The following TICRR variants were observed in gnomAD, a reference collection of about 807,000 sequenced individuals.
TICRR encodes TOPBP1 interacting checkpoint and replication regulator.
A neutral mutation model predicts 178.1 loss-of-function variants in TICRR; 132 were observed. The ratio of observed to expected loss-of-function variants is 0.74; its 90% CI spans 0.64 to 0.86. The LOEUF (loss-of-function observed/expected upper bound fraction) is 0.86, where lower values mean the gene tolerates loss of function less well. Ranked by LOEUF, TICRR falls within the 40% of genes least tolerant of loss-of-function variation. The pLI, the probability that TICRR is intolerant of heterozygous loss-of-function variation, is 0.00. For synonymous variants in TICRR, 991 were observed against 900.7 expected (o/e 1.10, Z -1.79); for missense variants, 2,587 against 2,334.3 (o/e 1.11, Z -2.23).
At chr15:89,618,051 TG>T in intron 16 of TICRR, 100 bp from the exon 17 acceptor site, 1 of 1,196,086 alleles carries the variant, frequency 8.4e-7, no homozygotes, top group Non-Finnish European at 1.2e-6. Context: ...TATCAGACCC[TG>T]TGATCTTTGT....
chr15:89,589,196 C>A (rs1394197974), intron 4 of TICRR, among the ~76,000 whole-genome samples: 1 of 152,100 alleles, frequency 6.6e-6, no homozygotes, highest in Non-Finnish European at 1.5e-5. Context: ...AGTGGGCAGA[C>A]TGGAGTGACC....
chr15:89,618,015 T>G, intron 16 of TICRR, 137 bp from the exon 17 acceptor site: 1 of 868,430 alleles, frequency 1.2e-6, no homozygotes. Flanking sequence ...TAATCACGTA[T>G]GAGAGCCCTT....
intron 18 of TICRR, among the ~76,000 whole-genome samples, chr15:89,620,943 C>G (rs1050867350): frequency 6.6e-6 from 1 of 151,346 alleles, no homozygotes; most frequent in Non-Finnish European, 1.5e-5. Context: ...AGGATAGTCT[C>G]GATCTCCGAC....
chr15:89,576,339 G>C, intron 1 of TICRR, 99 bp downstream of exon 1: 1 of 1,080,852 alleles, frequency 9.3e-7, no homozygotes, highest in Non-Finnish European at 1.3e-6. Context: ...CCCCGAATGA[G>C]ACTAATATGA....
At chr15:89,579,296 C>A (rs769322624) in intron 1 of TICRR, among the ~76,000 whole-genome samples, 2 of 152,118 alleles carry the variant, frequency 1.3e-5, no homozygotes, top group Non-Finnish European at 1.5e-5. Context: ...TCCTATAATA[C>A]GCATACGAGT....
chr15:89,593,771 C>T (rs1210924675), intron 5 of TICRR, among the ~76,000 whole-genome samples: 2 of 152,234 alleles, frequency 1.3e-5, no homozygotes, highest in Middle Eastern at 3.2e-3. Flanking sequence ...ATATTCCACC[C>T]TGTGATATCT....
intron 15 of TICRR, 62 bp downstream of exon 15, chr15:89,609,011 G>GTAC: frequency 7.2e-7 from 1 of 1,393,774 alleles, no homozygotes; most frequent in Non-Finnish European, 9.5e-7. Context: ...TAGTAGTAAT[G>GTAC]TACCGTCTTT....
At position 89,624,970 on chromosome 15, in the gene TICRR, G is replaced by C; in HGVS notation, c.4660G>C (p.Ala1554Pro). Residue 1554 changes from alanine (A) to proline (P), a missense_variant, in exon 20 of 22, where the codon GCC becomes CCC. Physicochemically the swap from Ala to Pro is conservative, Grantham distance 27. Transcript: ENST00000268138. ...ATCAGCTTGGCATTCCACAGACTCTGCCAGCCCACAGACCTATGAGGTTGA... is the reference window on the plus strand; with the variant it reads ...ATCAGCTTGGCATTCCACAGACTCTCCCAGCCCACAGACCTATGAGGTTGA... ...PASAWHSTDSASPQTYEVELE... is the reference protein window; with the variant it reads ...PASAWHSTDSPSPQTYEVELE... 6.2e-7 allele frequency: 1 copy of C among 1,614,066 alleles called. No homozygotes were observed. The highest frequency in any genetic ancestry group is 8.5e-7 in the Non-Finnish European group (1 of 1,180,034).
In TICRR at chr15:89,585,766, T is replaced by C; in HGVS notation, c.1235T>C (p.Leu412Pro). 5 of 1,614,102 alleles carry C rather than the reference T, an allele frequency of 3.1e-6. No homozygotes were observed. The highest frequency in any genetic ancestry group is 4.2e-6 in the Non-Finnish European group (5 of 1,179,990). ...RPPITGVISP[L>P]SASAMILTVC... The stretch of plus-strand genomic sequence containing the variant: ...CCCATCACTGGAGTTATTTCCCCAC[T>C]CTCTGCCAGTGCTATGATCCTCACT... The change falls in exon 4 of 22, where the codon CTC becomes CCC. Residue 412 changes from leucine (L) to proline (P), a missense_variant. By Grantham distance (98) the Leu-to-Pro change is moderately conservative. Coordinates refer to ENST00000268138, the MANE Select transcript of TICRR (RefSeq NM_152259.4).
chr15:89,600,837 G>C (rs1346544640), intron 9 of TICRR, 152 bp downstream of exon 9: 1 of 510,596 alleles, frequency 2.0e-6, no homozygotes, highest in Non-Finnish European at 3.5e-6. Flanking sequence ...TTGCAGCCAG[G>C]AATTTGAGGC....
rs752837991 is a variant in TICRR at position 89,627,076 on chromosome 15, A to G, written c.5723A>G (p.Glu1908Gly). Residue 1908 changes from glutamate to glycine, a missense_variant, in exon 22 of 22, where the codon GAG becomes GGG. Glu to Gly is a moderately conservative substitution (Grantham distance 98, BLOSUM62 -2). Transcript: ENST00000268138. Reference sequence around the variant, plus strand: ...AAGAAGCTCATGGGAACCTGGCTGGAGGACTTATAGCCACAAACATTACTG... The same window carrying G: ...AAGAAGCTCATGGGAACCTGGCTGGGGGACTTATAGCCACAAACATTACTG... Reference protein sequence around the residue: ...TRKKLMGTWLEDL With the variant: ...TRKKLMGTWLGDL 1 of 1,614,046 alleles carries G rather than the reference A, an allele frequency of 6.2e-7. No individual in the cohort carries two copies. Among genetic ancestry groups the G allele is most frequent in the African/African-American group, 1.3e-5 (1 of 75,044 alleles).
At chr15:89,604,768 CAAA>C (rs35046074) in intron 13 of TICRR, among the ~76,000 whole-genome samples, 29 of 106,598 alleles carry the variant, frequency 2.7e-4, no homozygotes, top group African/African-American at 7.6e-4. Flanking sequence ...GAGACTCTGT[CAAA>C]AAAAAAAAAA....
In TICRR at chr15:89,625,009, G is replaced by A; in HGVS notation, c.4699G>A (p.Ala1567Thr). The A allele has an allele frequency of 6.2e-7, 1 of 1,614,096 alleles. No homozygotes were observed. Among genetic ancestry groups the A allele is most frequent in the African/African-American group, 1.3e-5 (1 of 75,040 alleles). The part of the protein sequence containing the change: ...QTYEVELEMQ[A>T]SGLPKLRIKK... ...CTATGAGGTTGAGCTGGAGATGCAA[G>A]CTTCTGGCCTTCCCAAACTTCGAAT... The change falls in exon 20 of 22, where the codon GCT becomes ACT. Residue 1567 changes from alanine (A) to threonine (T), a missense_variant. Physicochemically the swap from Ala to Thr is moderately conservative, Grantham distance 58 (BLOSUM62 0). Transcript: ENST00000268138.
chr15:89,609,283 A>T (rs2016671), intron 15 of TICRR, among the ~76,000 whole-genome samples: 78,760 of 149,976 alleles, frequency 0.53, 20,997 homozygotes, highest in Non-Finnish European at 0.59. Context: ...GCTAATTTTT[A>T]AAATTTTTTT....
At position 89,585,939 on chromosome 15, in the gene TICRR, G is replaced by C. The variant is rs751878810; in HGVS notation, c.1408G>C (p.Ala470Pro). The change falls in exon 4 of 22, where the codon GCT becomes CCT. Residue 470 changes from alanine (A) to proline (P), a missense_variant. Ala to Pro is a conservative substitution (Grantham distance 27). Coordinates refer to ENST00000268138, the MANE Select transcript of TICRR (RefSeq NM_152259.4). ...THDSLADTAS[A>P]ASPVPEWAQQ... ...TGATTCGCTTGCAGATACTGCTTCT[G>C]CTGGTAAGCTCCTAAACTAGTAACT... 6.2e-7 allele frequency: 1 copy of C among 1,613,062 alleles called. No homozygotes were observed. Among genetic ancestry groups the C allele is most frequent in the Non-Finnish European group, 8.5e-7 (1 of 1,179,096 alleles).
chr15:89,600,183 C>G (rs1490040668), intron 8 of TICRR, among the ~76,000 whole-genome samples: 2 of 152,142 alleles, frequency 1.3e-5, no homozygotes, highest in African/African-American at 4.8e-5. Flanking sequence ...TTAAAAAGCC[C>G]CCTGGATAAT....
chr15:89,616,002 C>T (rs755062457), intron 15 of TICRR, among the ~76,000 whole-genome samples: 10 of 151,718 alleles, frequency 6.6e-5, no homozygotes, highest in East Asian at 1.9e-4. Context: ...CTCCTGCCTC[C>T]GCCTCCCAAG....
intron 1 of TICRR, among the ~76,000 whole-genome samples, chr15:89,580,907 C>T (rs1269469448): frequency 6.6e-6 from 1 of 152,174 alleles, no homozygotes; most frequent in Non-Finnish European, 1.5e-5. Flanking sequence ...TGGCACATGC[C>T]TGTACTCCCA....
rs751578978 is a variant in TICRR, at chr15:89,592,061, G to C, written c.1426G>C (p.Glu476Gln). The change falls in exon 5 of 22, where the codon GAG becomes CAG. Residue 476 changes from glutamate to glutamine, a missense_variant. Transcript: ENST00000268138. ...DTASAASPVP[E>Q]WAQQELGHTT... ...TGCTCCAATAGCTTCTCCTGTTCCA[G>C]AGTGGGCCCAGCAGGAGCTTGGCCA... 2 of 1,611,054 alleles carry C rather than the reference G, an allele frequency of 1.2e-6. No individual in the cohort carries two copies. The highest frequency in any genetic ancestry group is 2.2e-5 in the South Asian group (2 of 90,878).
Sources: gnomAD v4.1 joint callset for allele counts (sites outside exome capture counted in the v4.1 genomes callset) on GRCh38, gnomAD v4.1.1 for gene constraint, MANE v1.5 for transcripts, NCBI Gene and HGNC (gene_info 2026-07-23, HGNC 2026-07-21) for gene names.